The following MTUS2 variants were observed in gnomAD, a reference collection of about 807,000 sequenced individuals.
The protein encoded by MTUS2 is microtubule-associated tumor suppressor candidate 2.
MTUS2 carries 40 observed loss-of-function variants against 114.1 expected under a neutral mutation model. The ratio of observed to expected loss-of-function variants is 0.35; its 90% CI spans 0.27 to 0.46. The LOEUF (loss-of-function observed/expected upper bound fraction) is 0.46. Ranked by LOEUF, MTUS2 falls within the 20% of genes least tolerant of loss-of-function variation. The pLI is 1.00. For missense variants in MTUS2, 1,679 were observed against 1,705.4 expected (o/e 0.98, Z 0.27); for synonymous variants, 688 against 672.0 (o/e 1.02, Z -0.37).
In MTUS2 at chr13:29,375,327, G is replaced by A. The variant is rs987786743; in HGVS notation, c.3117+15854G>A. On this transcript the variant is annotated intron_variant, in intron 8 of 15. Transcript: ENST00000612955. ...CAGAGAGAAGAAAGCCATTACTTTT[G>A]CGGTTTTAATGGCAAACCCGCAATT... Among the ~76,000 whole-genome samples, 8 of 149,762 alleles carry A rather than the reference G, an allele frequency of 5.3e-5. 1 individual carries two copies. Among genetic ancestry groups the A allele is most frequent in the Admixed American group, 1.3e-4 (2 of 14,846 alleles).
At chr13:29,142,436 G>A (rs114792400) in intron 5 of MTUS2, among the ~76,000 whole-genome samples, 2,244 of 152,248 alleles carry the variant, frequency 0.015, 47 homozygotes, top group African/African-American at 0.051. Context: ...GGGCGTGGTG[G>A]CTCACGCCTA....
intron 2 of MTUS2, among the ~76,000 whole-genome samples, chr13:28,864,137 GA>G (rs1202822314): frequency 8.5e-5 from 13 of 152,050 alleles, no homozygotes; most frequent in African/African-American, 2.7e-4. Context: ...TTGCCTACTT[GA>G]AAATCTATGA....
At chr13:29,181,157 A>G (rs1315550290) in intron 5 of MTUS2, among the ~76,000 whole-genome samples, 1 of 152,134 alleles carries the variant, frequency 6.6e-6, no homozygotes, top group Non-Finnish European at 1.5e-5. Flanking sequence ...CCACAGCCAT[A>G]TTCTCTCGAT....
At chr13:29,184,589 G>A (rs1177920373) in intron 5 of MTUS2, among the ~76,000 whole-genome samples, 1 of 152,152 alleles carries the variant, frequency 6.6e-6, no homozygotes, top group Non-Finnish European at 1.5e-5. Flanking sequence ...TACACACAGA[G>A]CCACTTGGCA....
At chr13:29,066,596 C>T (rs538909146) in intron 4 of MTUS2, among the ~76,000 whole-genome samples, 236 of 152,298 alleles carry the variant, frequency 1.5e-3, no homozygotes, top group Non-Finnish European at 2.4e-3. Context: ...GTGGCTAGTC[C>T]ATGGGCTGTA....
chr13:29,414,468 T>TAAAAAAAAAAAAAAAAAA (rs67181675), intron 8 of MTUS2, among the ~76,000 whole-genome samples: 2 of 126,806 alleles, frequency 1.6e-5, no homozygotes, highest in Non-Finnish European at 3.3e-5. Flanking sequence ...AAAAAAAAAT[T>TAAAAAAAAAAAAAAAAAA]AAAAAAAAAA....
intron 5 of MTUS2, among the ~76,000 whole-genome samples, chr13:29,254,924 T>C (rs1265072280): frequency 6.6e-6 from 1 of 152,234 alleles, no homozygotes; most frequent in Non-Finnish European, 1.5e-5. Context: ...CATTCTTCCC[T>C]CATTCTGTAC....
chr13:28,880,102 T>C (rs1427605819), intron 2 of MTUS2, among the ~76,000 whole-genome samples: 1 of 152,218 alleles, frequency 6.6e-6, no homozygotes, highest in African/African-American at 2.4e-5. Context: ...ACCAACATGT[T>C]GTCTCACTGT....
chr13:29,180,744 C>A (rs531431241), intron 5 of MTUS2, among the ~76,000 whole-genome samples: 1 of 152,288 alleles, frequency 6.6e-6, no homozygotes, highest in South Asian at 2.1e-4. Flanking sequence ...AACAGGGAGT[C>A]AGAGTTGGTT....
At chr13:29,221,324 G>T (rs2139322849) in intron 5 of MTUS2, among the ~76,000 whole-genome samples, 1 of 152,344 alleles carries the variant, frequency 6.6e-6, no homozygotes, top group African/African-American at 2.4e-5. Flanking sequence ...GCCATTCAAA[G>T]TATTTTCCAA....
At chr13:28,846,256 C>A (rs1875879054) in intron 2 of MTUS2, among the ~76,000 whole-genome samples, 1 of 152,088 alleles carries the variant, frequency 6.6e-6, no homozygotes, top group African/African-American at 2.4e-5. Flanking sequence ...CGGGGGAAAT[C>A]TAAACTAAGT....
At chr13:29,017,020 A>C (rs1826287427) in intron 2 of MTUS2, among the ~76,000 whole-genome samples, 1 of 152,248 alleles carries the variant, frequency 6.6e-6, no homozygotes, top group Non-Finnish European at 1.5e-5. Context: ...AAGAACCTGA[A>C]TGTTCCTAAG....
chr13:29,501,387 C>T (rs1882893349), intron 15 of MTUS2, among the ~76,000 whole-genome samples, 193 bp downstream of exon 15: 1 of 152,152 alleles, frequency 6.6e-6, no homozygotes, highest in African/African-American at 2.4e-5. Context: ...ACGGGCCCCA[C>T]CTTGAGAGAA....
intron 6 of MTUS2, among the ~76,000 whole-genome samples, chr13:29,319,696 G>C (rs549451713): frequency 6.6e-6 from 1 of 152,238 alleles, no homozygotes; most frequent in Non-Finnish European, 1.5e-5. Context: ...AGGAGGGAAG[G>C]GTTGATTCCC....
intron 4 of MTUS2, among the ~76,000 whole-genome samples, chr13:29,097,135 TC>T (rs2138804043): frequency 1.9e-5 from 2 of 107,038 alleles, no homozygotes; most frequent in African/African-American, 6.4e-5. Flanking sequence ...GCCACACACA[TC>T]CAGAGTAGAG....
At chr13:28,833,963 CA>C (rs1287332579) in intron 1 of MTUS2, among the ~76,000 whole-genome samples, 3 of 151,984 alleles carry the variant, frequency 2.0e-5, no homozygotes, top group Non-Finnish European at 2.9e-5. Context: ...ACAAATTTAA[CA>C]AAAGACATTC....
chr13:28,947,538 G>A (rs1242743000), intron 2 of MTUS2, among the ~76,000 whole-genome samples: 1 of 151,824 alleles, frequency 6.6e-6, no homozygotes, highest in South Asian at 2.1e-4. Context: ...GAGATCTTTC[G>A]GCTTTTGCAA....
intron 5 of MTUS2, among the ~76,000 whole-genome samples, chr13:29,121,889 A>G (rs528807319): frequency 1.3e-5 from 2 of 151,930 alleles, no homozygotes; most frequent in East Asian, 1.9e-4. Context: ...TGACCTCCCA[A>G]CCTGAGGTGA....
At chr13:29,223,538 T>C (rs1041239780) in intron 5 of MTUS2, among the ~76,000 whole-genome samples, 27 of 152,120 alleles carry the variant, frequency 1.8e-4, no homozygotes, top group Non-Finnish European at 3.1e-4. Flanking sequence ...CTGCAGAGAG[T>C]AGCTACCCAC....
Sources: gnomAD v4.1 joint callset for allele counts (sites outside exome capture counted in the v4.1 genomes callset) on GRCh38, gnomAD v4.1.1 for gene constraint, MANE v1.5 for transcripts, NCBI Gene and HGNC (gene_info 2026-07-23, HGNC 2026-07-21) for gene names.